The following UBE3D variants were observed in gnomAD, a reference collection of about 807,000 sequenced individuals.
UBE3D encodes ubiquitin protein ligase E3D.
UBE3D carries 48 observed loss-of-function variants against 49.6 expected under a neutral mutation model. That is an observed-to-expected ratio of 0.97 (90% CI 0.77 to 1.23). The LOEUF (loss-of-function observed/expected upper bound fraction) is 1.23. UBE3D is among the 50% of genes most tolerant of loss of function. The pLI, the probability that UBE3D is intolerant of heterozygous loss-of-function variation, is 0.00. For missense variants in UBE3D, 452 were observed against 468.4 expected, an observed-to-expected ratio of 0.96 and a Z score of 0.32; for synonymous variants, 189 against 174.2, an observed-to-expected ratio of 1.08 and a Z score of -0.67.
chr6:82,925,369 T>C (rs1773670749), intron 9 of UBE3D, among the ~76,000 whole-genome samples: 1 of 152,204 alleles, frequency 6.6e-6, no homozygotes, highest in Admixed American at 6.5e-5. Flanking sequence ...GGAATTTCCT[T>C]CCTTACTGAC....
chr6:82,930,753 G>C (rs2127744070), intron 9 of UBE3D, among the ~76,000 whole-genome samples: 1 of 152,276 alleles, frequency 6.6e-6, no homozygotes, highest in African/African-American at 2.4e-5. Context: ...AAATTTCTAA[G>C]TGGCAAAGTG....
At chr6:83,046,729 A>G (rs1783085676) in intron 3 of UBE3D, among the ~76,000 whole-genome samples, 1 of 150,814 alleles carries the variant, frequency 6.6e-6, no homozygotes, top group Non-Finnish European at 1.5e-5. Context: ...AATATTTAAG[A>G]AAAGTGTTAG....
chr6:82,906,729 T>C (rs1031308635), intron 9 of UBE3D, among the ~76,000 whole-genome samples: 6 of 152,178 alleles, frequency 3.9e-5, no homozygotes, highest in Non-Finnish European at 5.9e-5. Context: ...TGCAGGCCAC[T>C]GCCTTCCCTT....
At chr6:82,916,670 C>A (rs890226752) in intron 9 of UBE3D, among the ~76,000 whole-genome samples, 2 of 152,172 alleles carry the variant, frequency 1.3e-5, no homozygotes, top group South Asian at 4.1e-4. Context: ...AAGAAAATTA[C>A]TGTAGACAAA....
chr6:82,978,901 T>C (rs1303758508), intron 8 of UBE3D, among the ~76,000 whole-genome samples: 1 of 152,154 alleles, frequency 6.6e-6, no homozygotes, highest in East Asian at 1.9e-4. Flanking sequence ...TAGGAGGTCA[T>C]TTCGACCCAT....
At chr6:83,014,827 C>G (rs1243033728) in intron 8 of UBE3D, among the ~76,000 whole-genome samples, 1 of 152,180 alleles carries the variant, frequency 6.6e-6, no homozygotes, top group Non-Finnish European at 1.5e-5. Flanking sequence ...TGTAAACTGG[C>G]TCAAGTCTGG....
intron 9 of UBE3D, among the ~76,000 whole-genome samples, chr6:82,906,806 A>G (rs1772135382): frequency 6.6e-6 from 1 of 152,218 alleles, no homozygotes; most frequent in African/African-American, 2.4e-5. Flanking sequence ...ACAAGGTTCT[A>G]AACTACTCAG....
intron 9 of UBE3D, among the ~76,000 whole-genome samples, chr6:82,933,119 T>G (rs977911397): frequency 5.3e-5 from 8 of 152,196 alleles, no homozygotes; most frequent in African/African-American, 1.9e-4. Context: ...TTTATAACAC[T>G]GATAAAAGGC....
intron 9 of UBE3D, among the ~76,000 whole-genome samples, chr6:82,905,383 T>C (rs977524950): frequency 2.6e-5 from 4 of 152,134 alleles, no homozygotes; most frequent in African/African-American, 9.7e-5. Flanking sequence ...GATGTTACTA[T>C]TGTAATTATT....
chr6:82,929,860 A>T (rs1774016686), intron 9 of UBE3D, among the ~76,000 whole-genome samples: 1 of 152,156 alleles, frequency 6.6e-6, no homozygotes, highest in Non-Finnish European at 1.5e-5. Context: ...AGAACAGTAC[A>T]TTTATTACAA....
chr6:83,044,337 T>C (rs1282118914), intron 4 of UBE3D, 91 bp downstream of exon 4: 1 of 1,254,810 alleles, frequency 8.0e-7, no homozygotes, highest in Admixed American at 2.0e-5. Context: ...TACAGCAGTC[T>C]ATGTAACAAG....
At chr6:82,977,551 C>G (rs1467468181) in intron 8 of UBE3D, among the ~76,000 whole-genome samples, 1 of 152,068 alleles carries the variant, frequency 6.6e-6, no homozygotes, top group Non-Finnish European at 1.5e-5. Flanking sequence ...TCATAATGTT[C>G]TTACTCCTCA....
chr6:82,900,377 G>T (rs1042633786), intron 9 of UBE3D, among the ~76,000 whole-genome samples: 17 of 152,102 alleles, frequency 1.1e-4, no homozygotes, highest in Non-Finnish European at 1.6e-4. Context: ...GTGAAGAAAT[G>T]GTATGCTTAC....
chr6:82,966,744 G>T (rs1241371757), intron 8 of UBE3D, among the ~76,000 whole-genome samples: 6 of 145,578 alleles, frequency 4.1e-5, no homozygotes, highest in South Asian at 2.2e-4. Context: ...AACAAAAAAA[G>T]AATTTGTGGA....
intron 8 of UBE3D, among the ~76,000 whole-genome samples, chr6:83,003,417 AC>A (rs1779765333): frequency 6.6e-6 from 1 of 152,136 alleles, no homozygotes; most frequent in Non-Finnish European, 1.5e-5. Flanking sequence ...CTTTTATTAT[AC>A]GTCTTATTTT....
chr6:82,937,063 G>C (rs1159631690), intron 9 of UBE3D, among the ~76,000 whole-genome samples: 1 of 152,198 alleles, frequency 6.6e-6, no homozygotes, highest in African/African-American at 2.4e-5. Flanking sequence ...AGGTCTATAA[G>C]AGCAAGGACC....
intron 5 of UBE3D, among the ~76,000 whole-genome samples, chr6:83,030,809 C>T (rs937643291): frequency 1.3e-5 from 2 of 151,980 alleles, no homozygotes; most frequent in East Asian, 3.9e-4. Context: ...ATGGTTTTGG[C>T]CAAAATGCTG....
intron 7 of UBE3D, among the ~76,000 whole-genome samples, chr6:83,020,844 A>T (rs1488659541): frequency 6.6e-6 from 1 of 152,182 alleles, no homozygotes; most frequent in Non-Finnish European, 1.5e-5. Context: ...AGTCTCATGA[A>T]GGCATTTGTG....
intron 1 of UBE3D, chr6:83,063,075 T>A: frequency 5.2e-6 from 1 of 191,582 alleles, no homozygotes; most frequent in Non-Finnish European, 1.1e-5. Context: ...AACGATAGAG[T>A]GGACTTCATT....
Sources: allele counts gnomAD v4.1 joint callset (sites outside exome capture counted in the v4.1 genomes callset), GRCh38; gene constraint gnomAD v4.1.1; transcripts MANE v1.5; gene names NCBI Gene and HGNC (gene_info 2026-07-23, HGNC 2026-07-21).